Variants in NUSAP1 observed in about 807,000 individuals in gnomAD.
NUSAP1 encodes the protein nucleolar and spindle associated protein 1.
A neutral mutation model predicts 52.8 loss-of-function variants in NUSAP1; 32 were observed. The ratio of observed to expected loss-of-function variants is 0.61; its 90% CI spans 0.46 to 0.81. The LOEUF (loss-of-function observed/expected upper bound fraction) is 0.81. Ranked by LOEUF, NUSAP1 falls within the 40% of genes least tolerant of loss-of-function variation. NUSAP1 has a pLI of 0.00. For synonymous variants in NUSAP1, 195 were observed against 183.1 expected, an observed-to-expected ratio of 1.06 and a Z score of -0.52; for missense variants, 499 against 522.3, an observed-to-expected ratio of 0.96 and a Z score of 0.43.
At chr15:41,372,412 G>T (rs903026141) in intron 8 of NUSAP1, among the ~76,000 whole-genome samples, 2 of 152,168 alleles carry the variant, frequency 1.3e-5, no homozygotes, top group African/African-American at 2.4e-5. Context: ...GTGGGTATAT[G>T]TCAGTTTATC....
intron 7 of NUSAP1, among the ~76,000 whole-genome samples, chr15:41,371,187 TGGAGGAGGAGGAGGA>T (rs368043352): frequency 3.3e-4 from 50 of 151,710 alleles, no homozygotes; most frequent in African/African-American, 1.2e-3. Flanking sequence ...TCCCCTAACC[TGGAGGAGGAGGAGGA>T]GGAGGAGGAA....
chr15:41,370,749 CAAAAA>C (rs60034914), intron 7 of NUSAP1, among the ~76,000 whole-genome samples: 1 of 70,790 alleles, frequency 1.4e-5, no homozygotes, highest in African/African-American at 4.7e-5. Context: ...AACTCCATCT[CAAAAA>C]AAAAAAAAAA....
intron 1 of NUSAP1, among the ~76,000 whole-genome samples, chr15:41,335,606 A>G (rs1037696004): frequency 2.2e-5 from 3 of 138,756 alleles, no homozygotes; most frequent in Non-Finnish European, 4.5e-5. Flanking sequence ...TATAAATACT[A>G]TACTTAATAT....
intron 6 of NUSAP1, among the ~76,000 whole-genome samples, chr15:41,362,914 T>C (rs1391224816): frequency 6.6e-6 from 1 of 151,984 alleles, no homozygotes; most frequent in Non-Finnish European, 1.5e-5. Context: ...CGGAGATTGC[T>C]GTGAGCTGAG....
rs1242386055 is a variant in NUSAP1 at position 41,377,229 on chromosome 15, A to G, written c.1157A>G (p.Asn386Ser). ...KLKPWGQSKENNYLNQHVNRI... is the reference protein window; with the variant it reads ...KLKPWGQSKESNYLNQHVNRI... The stretch of plus-strand genomic sequence containing the variant: ...AAACCATGGGGGCAATCTAAAGAAA[A>G]TAATTATCTAAATCAACATGTCAAC... Residue 386 changes from asparagine to serine, a missense_variant, in exon 10 of 11, where the codon AAT becomes AGT. Physicochemically the swap from Asn to Ser is conservative, Grantham distance 46 (BLOSUM62 1). Coordinates refer to ENST00000559596, the MANE Select transcript of NUSAP1 (RefSeq NM_016359.5). 1 of 1,536,210 alleles carries G rather than the reference A, an allele frequency of 6.5e-7. No individual in the cohort carries two copies. Among genetic ancestry groups the G allele is most frequent in the Non-Finnish European group, 8.8e-7 (1 of 1,138,126 alleles).
chr15:41,350,921 C>G, intron 3 of NUSAP1, 67 bp from the exon 4 acceptor site: 1 of 1,398,086 alleles, frequency 7.2e-7, no homozygotes, highest in Non-Finnish European at 9.8e-7. Flanking sequence ...CACTTTGGTA[C>G]TTATCTTTGG....
chr15:41,375,958 T>A (rs1236692456), intron 9 of NUSAP1, 130 bp downstream of exon 9: 1 of 617,498 alleles, frequency 1.6e-6, no homozygotes, highest in African/African-American at 1.8e-5. Flanking sequence ...CCCAGATACT[T>A]AGGATGCTGA....
At chr15:41,378,662 C>T (rs552896307) in intron 10 of NUSAP1, among the ~76,000 whole-genome samples, 171 of 152,058 alleles carry the variant, frequency 1.1e-3, no homozygotes, top group Admixed American at 2.1e-3. Flanking sequence ...CCCAGCTACT[C>T]GGGAGGCTGA....
At chr15:41,348,062 G>A (rs191525088) in intron 2 of NUSAP1, among the ~76,000 whole-genome samples, 14 of 152,188 alleles carry the variant, frequency 9.2e-5, no homozygotes, top group African/African-American at 2.4e-4. Flanking sequence ...AATTGAGGCC[G>A]CAGTGAACTT....
chr15:41,378,145 C>T lies in NUSAP1; in HGVS notation c.1232+841C>T, dbSNP rs140172659. On this transcript the variant is annotated intron_variant, in intron 10 of 10. Transcript: ENST00000559596. Reference sequence around the variant, plus strand: ...GGTGATTCAGAAGAAGACCCAGATTCAGAGCACTGCTCTTGCATGACTCAT... The same window carrying T: ...GGTGATTCAGAAGAAGACCCAGATTTAGAGCACTGCTCTTGCATGACTCAT... 1.2e-3 allele frequency among the ~76,000 whole-genome samples: 188 copies of T among 152,296 alleles called. 4 individuals carry two copies. The East Asian group carries it at 0.03, about 24-fold the overall frequency.
chr15:41,342,942 G>C (rs1185369084), intron 2 of NUSAP1: 1 of 153,836 alleles, frequency 6.5e-6, no homozygotes, highest in African/African-American at 2.4e-5. Flanking sequence ...GTTGTGAATG[G>C]TGAAACTGTT....
chr15:41,372,033 G>T (rs1165813673), intron 8 of NUSAP1, among the ~76,000 whole-genome samples: 1 of 152,130 alleles, frequency 6.6e-6, no homozygotes, highest in Non-Finnish European at 1.5e-5. Context: ...CTACCAAAGT[G>T]CTGGGATTAC....
In NUSAP1 at chr15:41,371,521, A is replaced by T; in HGVS notation, c.849-6A>T. On this transcript the variant is annotated splice_region_variant and splice_polypyrimidine_tract_variant and intron_variant, in intron 7 of 10. Transcript: ENST00000559596. ...CTCATGTCTTGTACTCTGCTGTCCT[A>T]TTTAGGTTTTCAGCTGCTACTAAAG... The T allele has an allele frequency of 6.3e-7, 1 of 1,591,940 alleles. No individual in the cohort carries two copies. Among genetic ancestry groups the T allele is most frequent in the Non-Finnish European group, 8.5e-7 (1 of 1,173,174 alleles).
At chr15:41,376,864 C>T (rs568270914) in intron 9 of NUSAP1, among the ~76,000 whole-genome samples, 3 of 151,688 alleles carry the variant, frequency 2.0e-5, no homozygotes, top group Non-Finnish European at 4.4e-5. Context: ...TGCTTGAGAA[C>T]AGGAGCTCAA....
Position 41,380,310 on chromosome 15 carries a change from G to T in NUSAP1, c.*124G>T, listed in dbSNP as rs2050159584. ...TTTTTCTGCTAACTGTTCATAGTCT[G>T]TGTAGTGTCCATGGGTTCTTCATGT... On this transcript the variant is annotated 3_prime_UTR_variant, in exon 11 of 11. Coordinates refer to ENST00000559596, the MANE Select transcript of NUSAP1 (RefSeq NM_016359.5). 1 of 637,956 alleles carries T rather than the reference G, an allele frequency of 1.6e-6. No individual in the cohort carries two copies. The highest frequency in any genetic ancestry group is 2.0e-5 in the South Asian group (1 of 51,230). The allele number at this position is 637,956 out of a possible 1,614,324, so 39.5% of individuals were successfully genotyped here.
chr15:41,333,121 A>T, intron 1 of NUSAP1, 71 bp downstream of exon 1: 1 of 1,218,842 alleles, frequency 8.2e-7, no homozygotes, highest in African/African-American at 1.5e-5. Context: ...ATGCGGTGCG[A>T]AGGGACCGAG....
In NUSAP1 at chr15:41,358,235, C is replaced by T. The variant is rs753273293; in HGVS notation, c.637C>T (p.His213Tyr). The change falls in exon 6 of 11, where the codon CAC (histidine) becomes TAC (tyrosine). Residue 213 changes from histidine to tyrosine, a missense_variant. Physicochemically the swap from His to Tyr is moderately conservative, Grantham distance 83. Transcript: ENST00000559596. ...GAGAAAAAAGAAACATTTTGAAGAA[C>T]ACAATTCCATGAATGAACTGAAGGT... ...IERKKKHFEEHNSMNELKQQP... is the reference protein window; with the variant it reads ...IERKKKHFEEYNSMNELKQQP... The T allele has an allele frequency of 1.5e-5, 23 of 1,518,780 alleles. No homozygotes were observed. The highest frequency in any genetic ancestry group is 2.8e-5 in the African/African-American group (2 of 72,598). The allele number at this position is 1,518,780 out of a possible 1,614,324, so 94.1% of individuals were successfully genotyped here.
chr15:41,357,883 T>G (rs535895353), intron 5 of NUSAP1, among the ~76,000 whole-genome samples: 35 of 152,352 alleles, frequency 2.3e-4, no homozygotes, highest in African/African-American at 8.2e-4. Flanking sequence ...AATCTTCTAC[T>G]CTAATCCTCT....
chr15:41,336,798 C>T (rs945667785), intron 1 of NUSAP1, among the ~76,000 whole-genome samples: 7 of 150,452 alleles, frequency 4.7e-5, no homozygotes, highest in Non-Finnish European at 1.0e-4. Flanking sequence ...AGGCACGTGC[C>T]ACCACACCTG....
Sources: allele counts gnomAD v4.1 joint callset (sites outside exome capture counted in the v4.1 genomes callset), GRCh38; gene constraint gnomAD v4.1.1; transcripts MANE v1.5; gene names NCBI Gene and HGNC (gene_info 2026-07-23, HGNC 2026-07-21).